RSF1: variants seen among roughly 807,000 people sequenced by gnomAD.
RSF1 encodes the protein HBV pX-associated protein 8.
In RSF1, 13 loss-of-function variants were observed where a neutral mutation model predicts 145.2. The observed-to-expected ratio is 0.09, with a 90% confidence interval of 0.06 to 0.14. RSF1 has a LOEUF of 0.14. RSF1 is among the 10% of genes least tolerant of loss of function. The probability of loss-of-function intolerance (pLI) is 1.00; values close to 1 mark genes in which losing one functional copy is unlikely to be tolerated. For synonymous variants in RSF1, 577 were observed against 592.6 expected (o/e 0.97, Z 0.38); for missense variants, 1,517 against 1,718.2 (o/e 0.88, Z 2.07).
intron 1 of RSF1, among the ~76,000 whole-genome samples, chr11:77,791,868 T>C (rs1032542168): frequency 6.6e-6 from 1 of 152,222 alleles, no homozygotes; most frequent in Non-Finnish European, 1.5e-5. Flanking sequence ...TAAACTTTCC[T>C]ACATTTTCCT....
the RSF1 span, among the ~76,000 whole-genome samples, chr11:77,838,035 T>G: frequency 6.6e-6 from 1 of 152,176 alleles, no homozygotes; most frequent in Non-Finnish European, 1.5e-5. Flanking sequence ...ATCACACTAC[T>G]GCACTCCAGA....
chr11:77,687,631 T>C (rs12421699), intron 9 of RSF1, among the ~76,000 whole-genome samples: 27,442 of 151,968 alleles, frequency 0.18, 3,147 homozygotes, highest in African/African-American at 0.31. Context: ...CACTTAAAGA[T>C]GGGAGGCAGA....
chr11:77,808,557 G>A (rs1352868905), intron 1 of RSF1, among the ~76,000 whole-genome samples: 4 of 56,300 alleles, frequency 7.1e-5, no homozygotes, highest in African/African-American at 1.0e-4. Context: ...TTTTTGAGAC[G>A]GAGTCTCGCT....
chr11:77,768,395 T>C (rs910881764), intron 1 of RSF1, among the ~76,000 whole-genome samples: 1 of 152,148 alleles, frequency 6.6e-6, no homozygotes, highest in Non-Finnish European at 1.5e-5. Context: ...ACTCCTGACC[T>C]CATGATCTCC....
upstream of RSF1, among the ~76,000 whole-genome samples, chr11:77,822,062 A>G (rs1948933603): frequency 6.6e-6 from 1 of 152,164 alleles, no homozygotes; most frequent in Admixed American, 6.6e-5. Flanking sequence ...TTTAGACTGA[A>G]TTCCGCTATA....
chr11:77,765,744 A>C (rs1170100045), intron 1 of RSF1, among the ~76,000 whole-genome samples: 1 of 152,150 alleles, frequency 6.6e-6, no homozygotes, highest in Non-Finnish European at 1.5e-5. Context: ...TGTCAAAATA[A>C]GCATTTTTCT....
the RSF1 span, chr11:77,868,866 CT>C: frequency 5.2e-6 from 1 of 193,612 alleles, no homozygotes; most frequent in Non-Finnish European, 1.1e-5. Context: ...AAACATTTTC[CT>C]TCACACATTT....
chr11:77,761,794 T>C (rs1948174479), intron 2 of RSF1, among the ~76,000 whole-genome samples: 1 of 150,624 alleles, frequency 6.6e-6, no homozygotes, highest in South Asian at 2.1e-4. Flanking sequence ...TAACAGGTCC[T>C]AGCAGAACTG....
intron 8 of RSF1, 79 bp downstream of exon 8, chr11:77,693,428 A>C: frequency 3.6e-6 from 3 of 824,954 alleles, no homozygotes; most frequent in Non-Finnish European, 6.2e-6. Context: ...GGTTAAAAAT[A>C]TTCATTCAGT....
Position 77,745,737 on chromosome 11 carries a change from T to C in RSF1, c.372+1299A>G, listed in dbSNP as rs183940687. The stretch of plus-strand genomic sequence containing the variant: ...CTAGATTGGAAGAACTAACTAACTT[T>C]TTGTTATGTATTTTGTATGATTAGG... On this transcript the variant is annotated intron_variant, in intron 3 of 15. Transcript: ENST00000308488. 4.4e-4 allele frequency among the ~76,000 whole-genome samples: 66 copies of C among 151,152 alleles called. 1 individual carries two copies. In the East Asian group the frequency reaches 0.012, roughly 28 times the overall value.
chr11:77,699,582 G>C (rs866503377), intron 6 of RSF1, among the ~76,000 whole-genome samples: 46 of 152,140 alleles, frequency 3.0e-4, no homozygotes, highest in Middle Eastern at 6.8e-3. Flanking sequence ...AAAATAACAG[G>C]GTCATAGTTA....
intron 2 of RSF1, among the ~76,000 whole-genome samples, chr11:77,748,503 C>T (rs907415233): frequency 3.3e-5 from 5 of 151,922 alleles, no homozygotes; most frequent in African/African-American, 1.2e-4. Context: ...TATATTACTT[C>T]CTCTGGCTGA....
intron 9 of RSF1, among the ~76,000 whole-genome samples, chr11:77,687,340 C>T (rs947317043): frequency 1.3e-5 from 2 of 152,156 alleles, no homozygotes; most frequent in African/African-American, 4.8e-5. Context: ...TATACACAAT[C>T]TGAGAACTTA....
chr11:77,739,030 C>T, intron 4 of RSF1: 1 of 149,168 alleles, frequency 6.7e-6, no homozygotes, highest in Admixed American at 6.7e-5. Flanking sequence ...ACCTCTGCCT[C>T]CCGGGTTCAA....
chr11:77,669,721 A>T (rs1181887263), intron 15 of RSF1, among the ~76,000 whole-genome samples: 1 of 152,238 alleles, frequency 6.6e-6, no homozygotes, highest in Non-Finnish European at 1.5e-5. Context: ...AGGTTAGCAC[A>T]TTTTTTATGT....
chr11:77,761,313 A>G (rs1248740383), intron 2 of RSF1, among the ~76,000 whole-genome samples: 1 of 152,072 alleles, frequency 6.6e-6, no homozygotes, highest in Non-Finnish European at 1.5e-5. Flanking sequence ...TGCTTATTCT[A>G]AGATTCGTAT....
chr11:77,688,607 G>A (rs549615649), intron 9 of RSF1, among the ~76,000 whole-genome samples: 7 of 152,208 alleles, frequency 4.6e-5, no homozygotes, highest in African/African-American at 7.2e-5. Context: ...CCAAATATCT[G>A]AAACACAAGT....
the RSF1 span, among the ~76,000 whole-genome samples, chr11:77,835,331 C>A: frequency 6.6e-6 from 1 of 152,160 alleles, no homozygotes; most frequent in African/African-American, 2.4e-5. Flanking sequence ...AAGTCCTCAT[C>A]ATCAAGACTG....
intron 3 of RSF1, among the ~76,000 whole-genome samples, chr11:77,745,678 T>C (rs1049175611): frequency 6.6e-6 from 1 of 151,504 alleles, no homozygotes; most frequent in South Asian, 2.1e-4. Context: ...TAGCTGGCTC[T>C]GGAGAATTCT....
Sources: allele counts gnomAD v4.1 joint callset (sites outside exome capture counted in the v4.1 genomes callset), GRCh38; gene constraint gnomAD v4.1.1; transcripts MANE v1.5; gene names NCBI Gene and HGNC (gene_info 2026-07-23, HGNC 2026-07-21).